Variants in GPC6 observed in about 807,000 individuals in gnomAD.
GPC6 encodes glypican 6.
A neutral mutation model predicts 55.2 loss-of-function variants in GPC6; 14 were observed. The observed-to-expected ratio is 0.25, with a 90% CI of 0.17 to 0.40. The LOEUF (loss-of-function observed/expected upper bound fraction) is 0.40. Ranked by LOEUF, GPC6 falls within the 10% of genes least tolerant of loss-of-function variation. GPC6 has a pLI of 1.00. For missense variants in GPC6, 641 were observed against 708.5 expected, an observed-to-expected ratio of 0.90 and a Z score of 1.08; for synonymous variants, 278 against 259.6, an observed-to-expected ratio of 1.07 and a Z score of -0.68.
chr13:93,264,444 C>G (rs913666469), intron 1 of GPC6, among the ~76,000 whole-genome samples: 3 of 152,102 alleles, frequency 2.0e-5, no homozygotes, highest in African/African-American at 7.2e-5. Flanking sequence ...GATTCTTGCT[C>G]TTTTGCCCAG....
At position 93,309,275 on chromosome 13, in the gene GPC6, CTTTA is replaced by C. The variant is rs1878981571; in HGVS notation, c.160+81663_160+81666del. 2.0e-5 allele frequency among the ~76,000 whole-genome samples: 3 copies of C among 149,288 alleles called. No homozygotes were observed. The Admixed American group carries it at 2.0e-4, about 10-fold the overall frequency. On this transcript the variant is annotated intron_variant, in intron 1 of 8. Transcript: ENST00000377047. ...AAAGTCAATATTTTGGTAGGTAAGT[CTTTA>C]TTTTTGTGATAAGAAATGACTTTAA...
At chr13:94,181,578 A>G (rs900012750) in intron 4 of GPC6, among the ~76,000 whole-genome samples, 8 of 152,200 alleles carry the variant, frequency 5.3e-5, no homozygotes, top group South Asian at 2.1e-4. Flanking sequence ...CAACAATTTA[A>G]TTCACTTTAT....
chr13:93,269,592 A>G (rs879399301), intron 1 of GPC6, among the ~76,000 whole-genome samples: 17 of 151,970 alleles, frequency 1.1e-4, no homozygotes, highest in Admixed American at 1.0e-3. Flanking sequence ...GTTTCAATTA[A>G]TAACTTGCTA....
chr13:94,124,011 A>G (rs1443140418), intron 4 of GPC6, among the ~76,000 whole-genome samples: 2 of 152,098 alleles, frequency 1.3e-5, no homozygotes, highest in African/African-American at 4.8e-5. Flanking sequence ...AATAAGATAC[A>G]CTAATGAAAA....
chr13:93,520,558 T>G (rs1051145259), intron 1 of GPC6, among the ~76,000 whole-genome samples: 1 of 151,812 alleles, frequency 6.6e-6, no homozygotes, highest in Non-Finnish European at 1.5e-5. Flanking sequence ...AAAAAAACAC[T>G]TGAAGATTTT....
intron 1 of GPC6, among the ~76,000 whole-genome samples, chr13:93,314,410 C>T (rs912044744): frequency 9.9e-5 from 15 of 152,022 alleles, no homozygotes; most frequent in Admixed American, 4.6e-4. Context: ...GGACAAAACA[C>T]GGTTAGGTTA....
At chr13:93,541,337 C>G (rs1305721082) in intron 1 of GPC6, among the ~76,000 whole-genome samples, 2 of 139,840 alleles carry the variant, frequency 1.4e-5, no homozygotes, top group East Asian at 4.1e-4. Flanking sequence ...TCATCCATGT[C>G]CCTACAAAGG....
chr13:93,906,165 T>C (rs1876656489), intron 3 of GPC6, among the ~76,000 whole-genome samples: 1 of 151,804 alleles, frequency 6.6e-6, no homozygotes, highest in African/African-American at 2.4e-5. Flanking sequence ...TCTCTCATTC[T>C]CTCTCTCTCT....
intron 1 of GPC6, among the ~76,000 whole-genome samples, chr13:93,455,804 G>A (rs143028791): frequency 6.6e-6 from 1 of 152,102 alleles, no homozygotes; most frequent in African/African-American, 2.4e-5. Context: ...TCTCCCTCGA[G>A]ACCCCTAGTA....
intron 4 of GPC6, among the ~76,000 whole-genome samples, chr13:94,172,555 G>A (rs775281499): frequency 6.6e-6 from 1 of 152,170 alleles, no homozygotes; most frequent in East Asian, 1.9e-4. Flanking sequence ...TTGAAACTCA[G>A]CCATACTTAT....
chr13:93,716,100 C>A (rs147569279), intron 2 of GPC6, among the ~76,000 whole-genome samples: 20 of 151,552 alleles, frequency 1.3e-4, no homozygotes, highest in African/African-American at 4.1e-4. Context: ...GTGGTGCTGG[C>A]GTAAACAAAC....
At chr13:93,906,686 CA>C (rs1382871415) in intron 3 of GPC6, among the ~76,000 whole-genome samples, 1 of 152,038 alleles carries the variant, frequency 6.6e-6, no homozygotes, top group Non-Finnish European at 1.5e-5. Flanking sequence ...GAGGTGTATT[CA>C]AATGACGTTT....
chr13:93,703,533 G>A (rs1057491246), intron 2 of GPC6, among the ~76,000 whole-genome samples: 6 of 151,890 alleles, frequency 4.0e-5, no homozygotes, highest in African/African-American at 1.4e-4. Context: ...TCTGCATAGT[G>A]CAATAAAGCA....
chr13:94,321,399 T>C (rs1051415474), intron 6 of GPC6, among the ~76,000 whole-genome samples: 4 of 152,232 alleles, frequency 2.6e-5, no homozygotes, highest in African/African-American at 9.6e-5. Flanking sequence ...GTCTTTGTGG[T>C]AGAATGATTT....
At chr13:93,433,625 G>A (rs1877455959) in intron 1 of GPC6, among the ~76,000 whole-genome samples, 2 of 152,064 alleles carry the variant, frequency 1.3e-5, no homozygotes, top group Admixed American at 1.3e-4. Context: ...TTAGCTTTAA[G>A]TAAAATAAGA....
intron 2 of GPC6, among the ~76,000 whole-genome samples, chr13:93,586,736 G>C (rs1053535408): frequency 6.6e-6 from 1 of 152,064 alleles, no homozygotes; most frequent in South Asian, 2.1e-4. Context: ...GACTAAAAAC[G>C]TTTTGAAATT....
chr13:93,607,216 T>C (rs1341949048), intron 2 of GPC6, among the ~76,000 whole-genome samples: 1 of 152,238 alleles, frequency 6.6e-6, no homozygotes, highest in Admixed American at 6.5e-5. Context: ...GAATACAATG[T>C]CTACTTTTAT....
At chr13:94,107,613 C>T (rs1410101343) in intron 4 of GPC6, among the ~76,000 whole-genome samples, 2 of 147,444 alleles carry the variant, frequency 1.4e-5, no homozygotes, top group African/African-American at 5.0e-5. Flanking sequence ...AGATGGGACT[C>T]ATGAGTTCTA....
chr13:94,110,919 A>G (rs61962310), intron 4 of GPC6, among the ~76,000 whole-genome samples: 29,776 of 152,030 alleles, frequency 0.2, 3,628 homozygotes, highest in Non-Finnish European at 0.28. Flanking sequence ...GACATTTTCA[A>G]TTTTATTTGA....
Sources: gnomAD v4.1 joint callset for allele counts (sites outside exome capture counted in the v4.1 genomes callset) on GRCh38, gnomAD v4.1.1 for gene constraint, MANE v1.5 for transcripts, NCBI Gene and HGNC (gene_info 2026-07-23, HGNC 2026-07-21) for gene names.